LRRFIP1: variants seen among roughly 807,000 people sequenced by gnomAD.
The protein encoded by LRRFIP1 is leucine-rich repeat flightless-interacting protein 1.
In LRRFIP1, 62 loss-of-function variants were observed where a neutral mutation model predicts 104.4. That is an observed-to-expected ratio of 0.59 (90% confidence interval 0.48 to 0.73). The LOEUF is 0.73. Ranked by LOEUF, LRRFIP1 falls within the 30% of genes least tolerant of loss-of-function variation. LRRFIP1 has a pLI of 0.00. For missense variants in LRRFIP1, 796 were observed against 824.5 expected, an observed-to-expected ratio of 0.97 and a Z score of 0.42; for synonymous variants, 300 against 299.0, an observed-to-expected ratio of 1.00 and a Z score of -0.03.
At chr2:237,726,494 A>C (rs10177762) in intron 7 of LRRFIP1, among the ~76,000 whole-genome samples, 40,417 of 152,114 alleles carry the variant, frequency 0.27, 5,769 homozygotes, top group East Asian at 0.43. Flanking sequence ...TCAGCTGGTG[A>C]TTCATGAGGG....
intron 10 of LRRFIP1, among the ~76,000 whole-genome samples, chr2:237,736,893 A>T (rs1275786271): frequency 1.3e-5 from 2 of 151,944 alleles, no homozygotes; most frequent in Non-Finnish European, 2.9e-5. Flanking sequence ...CCAAGTGGAT[A>T]CTCCGTTCCT....
chr2:237,705,107 C>T (rs1310734101), intron 1 of LRRFIP1, among the ~76,000 whole-genome samples: 4 of 152,084 alleles, frequency 2.6e-5, no homozygotes, highest in Admixed American at 6.5e-5. Context: ...CTCAGGCAGG[C>T]GAGCTCTGCA....
At chr2:237,748,424 A>C in intron 12 of LRRFIP1, 25 bp downstream of exon 12, 1 of 1,580,498 alleles carries the variant, frequency 6.3e-7, no homozygotes, top group South Asian at 1.2e-5. Context: ...ATAAACCTAG[A>C]GGGTCCCAAA....
At chr2:237,682,704 G>T (rs967140102) in intron 1 of LRRFIP1, among the ~76,000 whole-genome samples, 2 of 152,170 alleles carry the variant, frequency 1.3e-5, no homozygotes, top group African/African-American at 4.8e-5. Flanking sequence ...CCAGTGACCT[G>T]CACCTCCTGT....
At position 237,759,945 on chromosome 2, in the gene LRRFIP1, T is replaced by G. The variant is rs1018637346; in HGVS notation, c.1318-119T>G. ...GCTGCACCCTAGCATTTCTCTTGTC[T>G]CTGTGGAGTTACCCTGTACTTCAGG... On this transcript the variant is annotated intron_variant, in intron 18 of 23. Transcript: ENST00000308482. The G allele has an allele frequency of 6.0e-6, 5 of 832,986 alleles. No individual in the cohort carries two copies. The African/African-American group carries it at 8.6e-5, about 14-fold the overall frequency. The allele number at this position is 832,986 out of a possible 1,614,324, so 51.6% of individuals were successfully genotyped here.
chr2:237,773,077 T>C (rs2060787314), intron 22 of LRRFIP1, 132 bp downstream of exon 22: 1 of 667,718 alleles, frequency 1.5e-6, no homozygotes, highest in Non-Finnish European at 2.6e-6. Flanking sequence ...AGGGATAAGT[T>C]AAGACAGCAA....
chr2:237,648,625 G>A (rs1264684849), intron 1 of LRRFIP1, among the ~76,000 whole-genome samples: 1 of 151,426 alleles, frequency 6.6e-6, no homozygotes, highest in Admixed American at 6.6e-5. Context: ...CGTGAACTTG[G>A]GGGAGTCATA....
At chr2:237,637,812 A>G (rs1361332133) in intron 1 of LRRFIP1, among the ~76,000 whole-genome samples, 2 of 152,210 alleles carry the variant, frequency 1.3e-5, no homozygotes, top group Non-Finnish European at 2.9e-5. Flanking sequence ...TCCATCATGT[A>G]GGTTTATCAA....
intron 1 of LRRFIP1, among the ~76,000 whole-genome samples, chr2:237,652,496 G>A (rs1037045811): frequency 5.3e-5 from 8 of 152,292 alleles, no homozygotes; most frequent in South Asian, 2.1e-4. Flanking sequence ...GGAGTAATGC[G>A]GTGAGCACCT....
Position 237,775,945 on chromosome 2 carries a change from A to ATTTTAT in LRRFIP1, c.1812+1486_1812+1487insTATTTT, listed in dbSNP as rs578088927. Among the ~76,000 whole-genome samples, 472 of 151,820 alleles carry ATTTTAT rather than the reference A, an allele frequency of 3.1e-3. 2 individuals are homozygous for ATTTTAT. Among genetic ancestry groups the ATTTTAT allele is most frequent in the African/African-American group, 0.011 (455 of 41,416 alleles). On this transcript the variant is annotated intron_variant, in intron 23 of 23. Coordinates refer to ENST00000308482, the MANE Select transcript of LRRFIP1 (RefSeq NM_001137550.2). Reference sequence around the variant, plus strand: ...TCTCTCCTCTTTATTTTATTTATTTATTTATTTTATTTGATTTTATTTTAT... The same window carrying ATTTTAT: ...TCTCTCCTCTTTATTTTATTTATTTATTTTATTTTATTTTATTTGATTTTATTTTAT...
At chr2:237,668,559 T>C (rs1270076585) in intron 1 of LRRFIP1, among the ~76,000 whole-genome samples, 1 of 152,000 alleles carries the variant, frequency 6.6e-6, no homozygotes, top group Admixed American at 6.6e-5. Flanking sequence ...CCCATGGGGG[T>C]CTTACACTCC....
rs760307561 is a variant in LRRFIP1, at chr2:237,763,308, C to T, written c.1459+3103C>T. On this transcript the variant is annotated intron_variant, in intron 19 of 23. Transcript: ENST00000308482. ...GGAACTGAGGGCAACTGTCAGGAAGCGACAGGTCCAAGTACAGTAGACACT... is the reference window on the plus strand; with the variant it reads ...GGAACTGAGGGCAACTGTCAGGAAGTGACAGGTCCAAGTACAGTAGACACT... 3.7e-6 allele frequency: 6 copies of T among 1,613,886 alleles called. No homozygotes were observed. In the Admixed American group the frequency reaches 5.0e-5, roughly 13 times the overall value.
At chr2:237,759,803 C>T (rs999419105) in intron 18 of LRRFIP1, among the ~76,000 whole-genome samples, 2 of 152,174 alleles carry the variant, frequency 1.3e-5, no homozygotes, top group African/African-American at 2.4e-5. Context: ...AAAAGGATGC[C>T]TGGTGGAAGT....
At chr2:237,744,268 G>A (rs1231723468) in intron 11 of LRRFIP1, among the ~76,000 whole-genome samples, 4 of 152,226 alleles carry the variant, frequency 2.6e-5, no homozygotes, top group Non-Finnish European at 5.9e-5. Context: ...AGTGTTTGCT[G>A]TTTGTTTGTG....
At chr2:237,747,937 A>T (rs1194206546) in intron 11 of LRRFIP1, among the ~76,000 whole-genome samples, 1 of 152,186 alleles carries the variant, frequency 6.6e-6, no homozygotes, top group Non-Finnish European at 1.5e-5. Flanking sequence ...AAACAAAAAA[A>T]GGAGAAAAAA....
chr2:237,702,872 A>G (rs1032377405), intron 1 of LRRFIP1, among the ~76,000 whole-genome samples: 3 of 152,162 alleles, frequency 2.0e-5, no homozygotes, highest in South Asian at 2.1e-4. Context: ...AGCCTCAACA[A>G]TTGTTAGCTT....
intron 8 of LRRFIP1, among the ~76,000 whole-genome samples, chr2:237,729,097 T>A (rs1412158967): frequency 6.6e-6 from 1 of 152,210 alleles, no homozygotes; most frequent in Non-Finnish European, 1.5e-5. Flanking sequence ...TAATTTTTTT[T>A]GTATTTTTTA....
At chr2:237,638,187 T>G (rs748719572) in intron 1 of LRRFIP1, among the ~76,000 whole-genome samples, 14 of 152,216 alleles carry the variant, frequency 9.2e-5, no homozygotes, top group Non-Finnish European at 4.4e-5. Flanking sequence ...AGCCAAGAGC[T>G]TATTTTCCTG....
chr2:237,656,576 T>C (rs1422592014), intron 1 of LRRFIP1, among the ~76,000 whole-genome samples: 1 of 152,244 alleles, frequency 6.6e-6, no homozygotes, highest in East Asian at 1.9e-4. Flanking sequence ...CTGGTATTCC[T>C]GCGTGCACAC....
Sources: gnomAD v4.1 joint callset for allele counts (sites outside exome capture counted in the v4.1 genomes callset) on GRCh38, gnomAD v4.1.1 for gene constraint, MANE v1.5 for transcripts, NCBI Gene and HGNC (gene_info 2026-07-23, HGNC 2026-07-21) for gene names.